The following IWS1 variants were observed in gnomAD, a reference collection of about 807,000 sequenced individuals.
The protein encoded by IWS1 is protein IWS1 homolog.
In IWS1, 27 loss-of-function variants were observed where a neutral mutation model predicts 86.7. That is an observed-to-expected ratio of 0.31 (90% CI 0.23 to 0.43). The LOEUF is 0.43. Ranked by LOEUF, IWS1 falls within the 20% of genes least tolerant of loss-of-function variation. The probability of loss-of-function intolerance (pLI) is 1.00; values close to 1 mark genes in which losing one functional copy is unlikely to be tolerated. For synonymous variants in IWS1, 313 were observed against 335.1 expected, an observed-to-expected ratio of 0.93 and a Z score of 0.72; for missense variants, 827 against 1,000.8, an observed-to-expected ratio of 0.83 and a Z score of 2.34.
In IWS1 at chr2:127,505,863, C is replaced by T; in HGVS notation, c.151-111G>A. Reference sequence around the variant, plus strand: ...TTTTAAAATACAGGATTATGTGCACCTAAATGGAGAATTCTTGTCCTATAC... The same window carrying T: ...TTTTAAAATACAGGATTATGTGCACTTAAATGGAGAATTCTTGTCCTATAC... On this transcript the variant is annotated intron_variant, in intron 2 of 13. Transcript: ENST00000295321. The surrounding 1 kb of genome is among the most constrained non-coding windows in gnomAD (Gnocchi z 5.0). 1.4e-6 allele frequency: 1 copy of T among 697,512 alleles called. No individual in the cohort carries two copies. Among genetic ancestry groups the T allele is most frequent in the Non-Finnish European group, 2.3e-6 (1 of 438,570 alleles). The allele number at this position is 697,512 out of a possible 1,614,324, so 43.2% of individuals were successfully genotyped here. A position where few individuals can be genotyped will look rare whatever the true frequency, so the allele number is the denominator to read the frequency against.
intron 13 of IWS1, among the ~76,000 whole-genome samples, chr2:127,481,380 C>G (rs1264762682): frequency 6.6e-6 from 1 of 151,620 alleles, no homozygotes; most frequent in Non-Finnish European, 1.5e-5. Context: ...AAGAATAATT[C>G]TGTTGTCTGT....
upstream of IWS1, chr2:127,526,617 T>C: frequency 1.5e-6 from 2 of 1,348,058 alleles, no homozygotes; most frequent in Non-Finnish European, 2.0e-6. Flanking sequence ...GAGCTGGAAC[T>C]CGGGCTTTAG....
intron 5 of IWS1, among the ~76,000 whole-genome samples, chr2:127,502,073 G>A (rs1690852267): frequency 6.6e-6 from 1 of 152,054 alleles, no homozygotes; most frequent in Non-Finnish European, 1.5e-5. Flanking sequence ...TTATTTTTGT[G>A]TATAATAAGT....
intron 2 of IWS1, among the ~76,000 whole-genome samples, chr2:127,520,713 A>T (rs1186261318): frequency 6.6e-6 from 1 of 152,210 alleles, no homozygotes; most frequent in Non-Finnish European, 1.5e-5. Flanking sequence ...CTTAGTCTCT[A>T]ATCTCGTTAA....
In IWS1 at chr2:127,481,084, G is replaced by C; in HGVS notation, c.2420C>G (p.Ala807Gly). 6.2e-7 allele frequency: 1 copy of C among 1,612,534 alleles called. No individual in the cohort carries two copies. The highest frequency in any genetic ancestry group is 8.5e-7 in the Non-Finnish European group (1 of 1,179,492). Residue 807 changes from alanine to glycine, a missense_variant, in exon 14 of 14, where the codon GCA (alanine) becomes GGA (glycine). By Grantham distance (60) the Ala-to-Gly change is moderately conservative (BLOSUM62 0). Coordinates refer to ENST00000295321, the MANE Select transcript of IWS1 (RefSeq NM_017969.3). ...DIRKKSRSAHAVKISIEGNKM... is the reference protein window; with the variant it reads ...DIRKKSRSAHGVKISIEGNKM... ...GTTGCCCTCAATGCTGATTTTCACT[G>C]CGTGTGCAGATCTGCTTTTTTTCCT...
intron 2 of IWS1, among the ~76,000 whole-genome samples, chr2:127,519,249 C>T (rs1202110123): frequency 6.6e-6 from 1 of 152,168 alleles, no homozygotes; most frequent in African/African-American, 2.4e-5. Flanking sequence ...CCATTACATA[C>T]ATGTGTTACA....
rs1405409329 is a variant in IWS1 at position 127,505,447 on chromosome 2, C to T, written c.456G>A (p.Gly152=). 13 of 1,614,128 alleles carry T rather than the reference C, an allele frequency of 8.1e-6. No homozygotes were observed. The highest frequency in any genetic ancestry group is 1.7e-4 in the Middle Eastern group (1 of 6,060). The change falls in exon 3 of 14, where the codon GGG becomes GGA. Residue 152 remains glycine (G), a synonymous_variant. Coordinates refer to ENST00000295321, the MANE Select transcript of IWS1 (RefSeq NM_017969.3). This position sits in a 1 kb window ranked among gnomAD's most constrained non-coding sequence, Gnocchi z 5.0. ...HASDSENEDV[G]KHPASDSEIE... ...TCTCAGAATCACTGGCGGGATGCTT[C>T]CCAACATCTTCGTTTTCTGAGTCAC...
intron 2 of IWS1, among the ~76,000 whole-genome samples, chr2:127,508,762 A>T (rs1691280668): frequency 6.6e-6 from 1 of 152,200 alleles, no homozygotes; most frequent in Non-Finnish European, 1.5e-5. Context: ...TCTAGAACCT[A>T]AATTATAAAT....
At chr2:127,514,523 T>C (rs1691663803) in intron 2 of IWS1, 1 of 152,514 alleles carries the variant, frequency 6.6e-6, no homozygotes, top group Non-Finnish European at 1.5e-5. Context: ...AGGGTTGTAA[T>C]ATGCCCCTGC....
chr2:127,508,509 A>G (rs1691268148), intron 2 of IWS1, among the ~76,000 whole-genome samples: 1 of 152,208 alleles, frequency 6.6e-6, no homozygotes, highest in Non-Finnish European at 1.5e-5. Context: ...GCTCTCCATG[A>G]TATATCCATC....
chr2:127,518,856 C>A (rs1036549382), intron 2 of IWS1, among the ~76,000 whole-genome samples: 51 of 152,198 alleles, frequency 3.4e-4, no homozygotes, highest in African/African-American at 1.2e-3. Flanking sequence ...AGGCGTCAGT[C>A]ACCGCACCCG....
rs1466412713 is a variant in IWS1, at chr2:127,526,263, C to G, written c.-55G>C. Reference sequence around the variant, plus strand: ...GCGCCCCGCGCCGCCCCCGTCACCTCCTTCCAGGCGGTGTGACCCCGGATG... The same window carrying G: ...GCGCCCCGCGCCGCCCCCGTCACCTGCTTCCAGGCGGTGTGACCCCGGATG... On this transcript the variant is annotated 5_prime_UTR_variant, in exon 1 of 14. Coordinates refer to ENST00000295321, the MANE Select transcript of IWS1 (RefSeq NM_017969.3). 6.5e-7 allele frequency: 1 copy of G among 1,548,372 alleles called. No homozygotes were observed. The highest frequency in any genetic ancestry group is 1.4e-5 in the African/African-American group (1 of 73,258).
intron 8 of IWS1, among the ~76,000 whole-genome samples, 193 bp from the exon 9 acceptor site, chr2:127,493,603 T>C (rs1208703874): frequency 1.3e-5 from 2 of 152,150 alleles, no homozygotes; most frequent in Admixed American, 1.3e-4. Flanking sequence ...GAAATGCATA[T>C]ACTTGACAAA....
chr2:127,510,921 C>T (rs1339925325), intron 2 of IWS1, among the ~76,000 whole-genome samples: 2 of 152,158 alleles, frequency 1.3e-5, no homozygotes, highest in Non-Finnish European at 2.9e-5. Flanking sequence ...GTGCTTCTCA[C>T]CTCCAGATAT....
chr2:127,495,113 T>A (rs1425880403), intron 7 of IWS1, among the ~76,000 whole-genome samples, 159 bp from the exon 8 acceptor site: 1 of 152,198 alleles, frequency 6.6e-6, no homozygotes, highest in East Asian at 1.9e-4. Flanking sequence ...AGCACCAAGC[T>A]CTGTATCTGT....
intron 2 of IWS1, among the ~76,000 whole-genome samples, chr2:127,523,390 CTT>C (rs1457272534): frequency 3.9e-5 from 6 of 152,092 alleles, no homozygotes; most frequent in Non-Finnish European, 5.9e-5. Flanking sequence ...AATAGGGAAA[CTT>C]AGTCAAATAT....
In IWS1 at chr2:127,493,982, C is replaced by T. The variant is rs138050295; in HGVS notation, c.1800-572G>A. 2.0e-5 allele frequency among the ~76,000 whole-genome samples: 3 copies of T among 152,150 alleles called. No homozygotes were observed. The East Asian group carries it at 5.8e-4, about 29-fold the overall frequency. ...CTGTTAGAATAGAGGGAGAAATTTT[C>T]TAGTTACAGATGCTCTAGGCCATGC... On this transcript the variant is annotated intron_variant, in intron 8 of 13. Transcript: ENST00000295321.
rs1690081050 is a variant in IWS1 at position 127,489,093 on chromosome 2, C to T, written c.2216+86G>A. 2.1e-5 allele frequency: 19 copies of T among 925,422 alleles called. 1 individual carries two copies. In the East Asian group the frequency reaches 4.4e-4, roughly 21 times the overall value. 57.3% of individuals were successfully genotyped at this position (925,422 alleles called of 1,614,324 possible). A position where few individuals can be genotyped will look rare whatever the true frequency, so the allele number is the denominator to read the frequency against. ...TCACCTCCCACAAATGAGAGCATAA[C>T]ATCATTTCATTTACTACTTTTCTTA... On this transcript the variant is annotated intron_variant, in intron 12 of 13. Transcript: ENST00000295321. This position sits in a 1 kb window ranked among gnomAD's most constrained non-coding sequence, Gnocchi z 4.8.
At chr2:127,491,497 G>C (rs1690223665) in intron 10 of IWS1, among the ~76,000 whole-genome samples, 1 of 151,954 alleles carries the variant, frequency 6.6e-6, no homozygotes. Context: ...AGGCTGGAGT[G>C]CAGTGGCGCG....
Sources: gnomAD v4.1 joint callset for allele counts (sites outside exome capture counted in the v4.1 genomes callset) on GRCh38, gnomAD v4.1.1 for gene constraint, Gnocchi (gnomAD v3.1) non-coding constraint, MANE v1.5 for transcripts, NCBI Gene and HGNC (gene_info 2026-07-23, HGNC 2026-07-21) for gene names.